The following CFAP44 variants were observed in gnomAD, a reference collection of about 807,000 sequenced individuals.
CFAP44 encodes cilia and flagella associated protein 44, also known as cilia- and flagella-associated protein 44.
In CFAP44, 134 loss-of-function variants were observed where a neutral mutation model predicts 216.2. The ratio of observed to expected loss-of-function variants is 0.62; its 90% confidence interval spans 0.54 to 0.72. The LOEUF is 0.72. CFAP44 is among the 30% of genes least tolerant of loss of function. The pLI, the probability that CFAP44 is intolerant of heterozygous loss-of-function variation, is 0.00. For synonymous variants in CFAP44, 700 were observed against 727.6 expected, an observed-to-expected ratio of 0.96 and a Z score of 0.61; for missense variants, 2,035 against 2,182.1, an observed-to-expected ratio of 0.93 and a Z score of 1.34.
intron 27 of CFAP44, among the ~76,000 whole-genome samples, chr3:113,327,100 A>G (rs1323174081): frequency 6.6e-6 from 1 of 152,102 alleles, no homozygotes; most frequent in East Asian, 1.9e-4. Flanking sequence ...AATCTTTCTT[A>G]TTTTAAAACA....
chr3:113,302,435 T>G (rs557666671), intron 32 of CFAP44, among the ~76,000 whole-genome samples: 31 of 117,986 alleles, frequency 2.6e-4, no homozygotes, highest in Non-Finnish European at 4.7e-4. Context: ...AACATCTGTA[T>G]CCAAAGATAC....
Position 113,426,238 on chromosome 3 carries a change from T to G in CFAP44, c.293A>C (p.Glu98Ala). The change falls in exon 4 of 35, where the codon GAG becomes GCG. Residue 98 changes from glutamate to alanine, a missense_variant. Physicochemically the swap from Glu to Ala is moderately radical, Grantham distance 107. Transcript: ENST00000393845. ...QTPAPAVEEAEEEVKKKISES... is the reference protein window; with the variant it reads ...QTPAPAVEEAAEEVKKKISES... ...TGATATTTTCTTCTTAACTTCCTCCTCTGCTTCTTCCACAGCTGGAGCAGG... is the reference window on the plus strand; with the variant it reads ...TGATATTTTCTTCTTAACTTCCTCCGCTGCTTCTTCCACAGCTGGAGCAGG... 6.2e-7 allele frequency: 1 copy of G among 1,614,136 alleles called. No individual in the cohort carries two copies. Among genetic ancestry groups the G allele is most frequent in the Non-Finnish European group, 8.5e-7 (1 of 1,179,978 alleles).
chr3:113,345,617 T>C (rs1576559297), intron 22 of CFAP44, among the ~76,000 whole-genome samples: 1 of 152,322 alleles, frequency 6.6e-6, no homozygotes, highest in African/African-American at 2.4e-5. Flanking sequence ...GAAATCATAC[T>C]AATCTCTAGT....
Position 113,403,948 on chromosome 3 carries a change from A to G in CFAP44, c.1074T>C (p.Cys358=). The change falls in exon 9 of 35, where the codon TGT becomes TGC. Residue 358 remains cysteine (C), a synonymous_variant. Transcript: ENST00000393845. ...WEGGLIKVEL[C]RGTSKSCHNG... is the part of the protein sequence containing the mutation. ...TGTGACATGACTTGCTTGTCCCTCG[A>G]CAGAGCTCCACTTTGATCAGACCAC... The G allele has an allele frequency of 6.2e-7, 1 of 1,614,198 alleles. No homozygotes were observed. Among genetic ancestry groups the G allele is most frequent in the South Asian group, 1.1e-5 (1 of 91,084 alleles).
chr3:113,377,329 G>C (rs1010688443), intron 17 of CFAP44, among the ~76,000 whole-genome samples: 2 of 152,060 alleles, frequency 1.3e-5, no homozygotes, highest in Admixed American at 6.6e-5. Flanking sequence ...TCATATTGTT[G>C]ACTCAAGCTT....
chr3:113,429,938 T>G (rs1935059833), intron 2 of CFAP44, among the ~76,000 whole-genome samples: 1 of 152,100 alleles, frequency 6.6e-6, no homozygotes, highest in Admixed American at 6.6e-5. Flanking sequence ...AAAAACTTAG[T>G]AAAGACATAG....
chr3:113,414,368 T>C (rs1934582409), intron 6 of CFAP44, among the ~76,000 whole-genome samples: 2 of 152,194 alleles, frequency 1.3e-5, no homozygotes. Context: ...TCTTGCCTGA[T>C]TTCCCTGTCC....
At chr3:113,441,212 C>T (rs542679347) in intron 1 of CFAP44, among the ~76,000 whole-genome samples, 5 of 152,242 alleles carry the variant, frequency 3.3e-5, no homozygotes, top group Non-Finnish European at 7.3e-5. Context: ...CTCCTGCTGC[C>T]TGGCTGGCTT....
At chr3:113,430,396 A>T (rs1032410195) in intron 2 of CFAP44, among the ~76,000 whole-genome samples, 3 of 150,732 alleles carry the variant, frequency 2.0e-5, no homozygotes, top group African/African-American at 7.3e-5. Context: ...TCAATGACCT[A>T]AAGTTCCACC....
chr3:113,291,387 G>A lies in CFAP44; in HGVS notation c.*170C>T. 1.3e-6 allele frequency: 1 copy of A among 770,114 alleles called. No homozygotes were observed. The highest frequency in any genetic ancestry group is 1.9e-5 in the South Asian group (1 of 51,338). The allele number at this position is 770,114 out of a possible 1,614,324, so 47.7% of individuals were successfully genotyped here. A position where few individuals can be genotyped will look rare whatever the true frequency, so the allele number is the denominator to read the frequency against. ...GGTTGGGTGCTGCAGTCAGTTCTAAGATAACCAAATTGTAGAGAGATTCTT... is the reference window on the plus strand; with the variant it reads ...GGTTGGGTGCTGCAGTCAGTTCTAAAATAACCAAATTGTAGAGAGATTCTT... On this transcript the variant is annotated 3_prime_UTR_variant, in exon 35 of 35. Coordinates refer to ENST00000393845, the MANE Select transcript of CFAP44 (RefSeq NM_001164496.2).
chr3:113,433,924 G>A, intron 1 of CFAP44: 1 of 296,938 alleles, frequency 3.4e-6, no homozygotes, highest in Non-Finnish European at 6.2e-6. Context: ...TGGTTTTCCA[G>A]AGGTCCACTA....
chr3:113,329,465 AAAG>A (rs1950221754), intron 26 of CFAP44, among the ~76,000 whole-genome samples: 1 of 152,214 alleles, frequency 6.6e-6, no homozygotes, highest in South Asian at 2.1e-4. Context: ...AGGGCTGGAC[AAAG>A]AAGAGATAAT....
At position 113,348,246 on chromosome 3, in the gene CFAP44, A is replaced by C. The variant is rs948221663; in HGVS notation, c.3066-3534T>G. 2.6e-5 allele frequency among the ~76,000 whole-genome samples: 4 copies of C among 152,074 alleles called. No homozygotes were observed. In the East Asian group the frequency reaches 7.7e-4, roughly 29 times the overall value. On this transcript the variant is annotated intron_variant, in intron 22 of 34. Transcript: ENST00000393845. ...AACCGCGGGCGGTTTTTCCTTTCAC[A>C]TGGGAAACACTCAGGCATCAACAGG...
chr3:113,382,849 G>A (rs1182194459), intron 15 of CFAP44, among the ~76,000 whole-genome samples: 1 of 152,198 alleles, frequency 6.6e-6, no homozygotes, highest in African/African-American at 2.4e-5. Context: ...TGTAAGTGAT[G>A]CTGAGAGTGA....
chr3:113,292,702 A>G (rs533179147), intron 34 of CFAP44, among the ~76,000 whole-genome samples: 17 of 152,330 alleles, frequency 1.1e-4, no homozygotes, highest in African/African-American at 3.4e-4. Context: ...CCTGATGCTA[A>G]AAGTCCATAC....
At chr3:113,395,932 T>C (rs948280007) in intron 14 of CFAP44, 72 bp from the exon 15 acceptor site, 14 of 1,078,326 alleles carry the variant, frequency 1.3e-5, no homozygotes, top group Non-Finnish European at 1.8e-5. Flanking sequence ...CAAAAAAGCA[T>C]GTAATAACAT....
rs1218614090 is a variant in CFAP44, at chr3:113,358,771, T to C, written c.3039A>G (p.Glu1013=). Residue 1013 remains glutamate, a synonymous_variant, in exon 22 of 35, where the codon GAA becomes GAG. Transcript: ENST00000393845. ...KELAWEKEKH[E]LGLMKLKNRF... is the part of the protein sequence containing the mutation. ...GATTCTTTAGCTTCATTAGGCCGAG[T>C]TCATGTTTCTCTTTTTCCCAAGCTA... 2.6e-6 allele frequency: 4 copies of C among 1,536,676 alleles called. No individual in the cohort carries two copies. The highest frequency in any genetic ancestry group is 2.6e-6 in the Non-Finnish European group (3 of 1,146,516).
chr3:113,395,310 G>T (rs1933959509), intron 15 of CFAP44, among the ~76,000 whole-genome samples: 2 of 152,202 alleles, frequency 1.3e-5, no homozygotes, highest in Admixed American at 6.5e-5. Flanking sequence ...GGATAGAAGA[G>T]AAAATAGATG....
chr3:113,340,367 G>A (rs948132107), intron 24 of CFAP44, among the ~76,000 whole-genome samples: 1 of 152,172 alleles, frequency 6.6e-6, no homozygotes, highest in Non-Finnish European at 1.5e-5. Context: ...CAAAGTCTGG[G>A]GGTTTCGACC....
Sources: gnomAD v4.1 joint callset for allele counts (sites outside exome capture counted in the v4.1 genomes callset) on GRCh38, gnomAD v4.1.1 for gene constraint, MANE v1.5 for transcripts, NCBI Gene and HGNC (gene_info 2026-07-23, HGNC 2026-07-21) for gene names.